Variants in KY observed in about 807,000 individuals in gnomAD.
KY encodes the protein kyphoscoliosis peptidase.
A neutral mutation model predicts 76.1 loss-of-function variants in KY; 43 were observed. The ratio of observed to expected loss-of-function variants is 0.57; its 90% CI spans 0.44 to 0.73. KY has a LOEUF of 0.73. Among genes scored for constraint, KY ranks in the 30% least tolerant of loss-of-function variants. The probability of loss-of-function intolerance (pLI) is 0.00; values close to 1 mark genes in which losing one functional copy is unlikely to be tolerated. For missense variants in KY, 722 were observed against 828.9 expected (o/e 0.87, Z 1.58); for synonymous variants, 277 against 326.2 (o/e 0.85, Z 1.63).
In KY at chr3:134,650,925, G is replaced by C; in HGVS notation, c.36C>G (p.Ile12Met). 1 of 1,613,346 alleles carries C rather than the reference G, an allele frequency of 6.2e-7. No homozygotes were observed. The highest frequency in any genetic ancestry group is 8.5e-7 in the Non-Finnish European group (1 of 1,179,518). ...CCGAGTGCACGATCAGCAGCATGTC[G>C]ATAGATACAGCGTTGATGTCCTTCT... ...ELKKDINAVS[I>M]DMLLIVHSEK... Residue 12 changes from isoleucine (I) to methionine (M), a missense_variant, in exon 1 of 11, where the codon ATC becomes ATG. By Grantham distance (10) the Ile-to-Met change is conservative (BLOSUM62 1). This residue lies in a region of KY where 170 missense variants were observed against 148.1 expected (regional missense o/e 1.15). Transcript: ENST00000423778.
At chr3:134,607,036 T>A (rs1959301517) in intron 10 of KY, 5 of 985,136 alleles carry the variant, frequency 5.1e-6, no homozygotes, top group Non-Finnish European at 6.0e-6. Context: ...TTTAGATTTC[T>A]ATAAATTAAG....
At chr3:134,610,109 T>C (rs2107770473) in intron 9 of KY, 86 bp downstream of exon 9, 1 of 1,437,328 alleles carries the variant, frequency 7.0e-7, no homozygotes, top group Non-Finnish European at 9.6e-7. Context: ...TCCCGCTTGG[T>C]CTTCTCCACC....
chr3:134,643,089 G>A (rs946771145), intron 3 of KY, among the ~76,000 whole-genome samples: 11 of 152,168 alleles, frequency 7.2e-5, no homozygotes, highest in African/African-American at 2.7e-4. Flanking sequence ...TGAGGCCCAT[G>A]GGCTTTATTT....
intron 5 of KY, 126 bp from the exon 6 acceptor site, chr3:134,625,261 A>G (rs1577696340): frequency 2.6e-6 from 2 of 762,370 alleles, no homozygotes; most frequent in Non-Finnish European, 4.5e-6. Flanking sequence ...AAAGCCTGAA[A>G]CATTGAGCCT....
At chr3:134,607,501 G>T in intron 10 of KY, 2 of 985,714 alleles carry the variant, frequency 2.0e-6, no homozygotes, top group Non-Finnish European at 2.4e-6. Flanking sequence ...GGCAGAGACG[G>T]TGCCACCAGG....
intron 1 of KY, 132 bp downstream of exon 1, chr3:134,650,693 A>C (rs867704034): frequency 1.2e-6 from 1 of 811,690 alleles, no homozygotes; most frequent in Middle Eastern, 3.8e-4. Flanking sequence ...AAGCGACGGC[A>C]GCCATGGGGG....
chr3:134,604,490 C>G lies in KY; in HGVS notation c.1091-16G>C. ...TTCCCATTCACTGAGGAGAGAAAGTCAGGGTCAGCAGAGATGGGTCCAGCA... is the reference window on the plus strand; with the variant it reads ...TTCCCATTCACTGAGGAGAGAAAGTGAGGGTCAGCAGAGATGGGTCCAGCA... On this transcript the variant is annotated splice_polypyrimidine_tract_variant and intron_variant, in intron 10 of 10. Coordinates refer to ENST00000423778, the MANE Select transcript of KY (RefSeq NM_178554.6). 6.3e-7 allele frequency: 1 copy of G among 1,589,396 alleles called. No individual in the cohort carries two copies. Among genetic ancestry groups the G allele is most frequent in the Non-Finnish European group, 8.6e-7 (1 of 1,165,908 alleles).
intron 1 of KY, among the ~76,000 whole-genome samples, chr3:134,648,235 T>A (rs1335729594): frequency 6.6e-6 from 1 of 152,186 alleles, no homozygotes; most frequent in Non-Finnish European, 1.5e-5. Context: ...CTAGACCAGC[T>A]CGTTGGTGCT....
intron 4 of KY, 182 bp from the exon 5 acceptor site, chr3:134,628,000 G>T: frequency 1.6e-6 from 1 of 613,990 alleles, no homozygotes. Context: ...GAACTTCCTG[G>T]TGTGGCAGAA....
intron 4 of KY, chr3:134,628,169 A>T: frequency 3.5e-6 from 1 of 283,462 alleles, no homozygotes; most frequent in Non-Finnish European, 6.8e-6. Flanking sequence ...TCTTGAATCC[A>T]CTGCCAGATA....
In KY at chr3:134,603,969, C is replaced by T. The variant is rs34502271; in HGVS notation, c.1596G>A (p.Lys532=). The T allele has an allele frequency of 3.8e-4, 621 of 1,613,958 alleles. 1 individual carries two copies. The African/African-American group carries it at 7.7e-3, about 20-fold the overall frequency. The part of the protein sequence containing the change: ...ELKVQLPHAG[K]FALKIFVKKR... ...TCTTGACAAAGATCTTGAGGGCAAA[C>T]TTGCCTGCATGGGGCAGCTGGACTT... Residue 532 remains lysine (K), a synonymous_variant, in exon 11 of 11, where the codon AAG becomes AAA. Coordinates refer to ENST00000423778, the MANE Select transcript of KY (RefSeq NM_178554.6).
intron 8 of KY, chr3:134,615,406 T>C (rs1961355390): frequency 7.2e-6 from 1 of 138,502 alleles, no homozygotes; most frequent in South Asian, 2.4e-4. Flanking sequence ...AATGGAAAAA[T>C]CATTTGACCT....
chr3:134,604,618 A>G, intron 10 of KY, 144 bp from the exon 11 acceptor site: 1 of 697,754 alleles, frequency 1.4e-6, no homozygotes, highest in Non-Finnish European at 2.3e-6. Flanking sequence ...CTTTCACCAC[A>G]GTCCATTTCA....
In KY at chr3:134,604,435, G is replaced by A. The variant is rs200102234; in HGVS notation, c.1130C>T (p.Pro377Leu). 1.1e-5 allele frequency: 17 copies of A among 1,613,114 alleles called. No homozygotes were observed. Among genetic ancestry groups the A allele is most frequent in the East Asian group, 2.2e-5 (1 of 44,868 alleles). The stretch of plus-strand genomic sequence containing the variant: ...ATTGAGCATGAACATGAACAGCGTC[G>A]GGGCGCAGCTCTCAATGGTGACCGT... ...KATVTIESCA[P>L]TLFMFMLNGK... Residue 377 changes from proline (P) to leucine (L), a missense_variant, in exon 11 of 11, where the codon CCG (proline) becomes CTG (leucine). Coordinates refer to ENST00000423778, the MANE Select transcript of KY (RefSeq NM_178554.6).
chr3:134,604,450 A>C lies in KY; in HGVS notation c.1115T>G (p.Ile372Ser), dbSNP rs752765230. The C allele has an allele frequency of 1.1e-5, 18 of 1,609,644 alleles. No individual in the cohort carries two copies. The highest frequency in any genetic ancestry group is 1.4e-5 in the Non-Finnish European group (17 of 1,177,016). ...RTVNGKATVT[I>S]ESCAPTLFMF... ...GAACAGCGTCGGGGCGCAGCTCTCA[A>C]TGGTGACCGTGGCCTTCCCATTCAC... The change falls in exon 11 of 11, where the codon ATT becomes AGT. Residue 372 changes from isoleucine (I) to serine (S), a missense_variant. By Grantham distance (142) the Ile-to-Ser change is moderately radical. Around this residue, in one of 2 missense-constraint regions of KY, gnomAD observed 552 missense variants for 680.9 expected, o/e 0.81. Transcript: ENST00000423778.
chr3:134,615,349 C>CTTTTTTTT (rs35886668), intron 8 of KY: 1 of 96,156 alleles, frequency 1.0e-5, no homozygotes. Flanking sequence ...GTTCAAGAAG[C>CTTTTTTTT]TTTTTTTTTT....
At chr3:134,614,223 A>G (rs1961068784) in intron 8 of KY, among the ~76,000 whole-genome samples, 2 of 152,128 alleles carry the variant, frequency 1.3e-5, no homozygotes, top group Non-Finnish European at 2.9e-5. Context: ...GAGGACTAGA[A>G]ACATTTCCAC....
chr3:134,604,109 C>A lies in KY; in HGVS notation c.1456G>T (p.Val486Leu). ...SDGRCSISFS[V>L]EEGINVLASL... is the part of the protein sequence containing the mutation. The stretch of plus-strand genomic sequence containing the variant: ...GCCAGGACATTAATGCCCTCCTCCA[C>A]GCTGAAGCTGATGGAGCAGCGCCCG... The change falls in exon 11 of 11, where the codon GTG becomes TTG. Residue 486 changes from valine (V) to leucine (L), a missense_variant. Val to Leu is a conservative substitution (Grantham distance 32). Coordinates refer to ENST00000423778, the MANE Select transcript of KY (RefSeq NM_178554.6). The A allele has an allele frequency of 6.2e-7, 1 of 1,611,508 alleles. No homozygotes were observed. Among genetic ancestry groups the A allele is most frequent in the Non-Finnish European group, 8.5e-7 (1 of 1,178,638 alleles).
At chr3:134,613,325 T>C (rs1186553859) in intron 8 of KY, 4 of 152,644 alleles carry the variant, frequency 2.6e-5, no homozygotes, top group Non-Finnish European at 4.4e-5. Flanking sequence ...CAGGGGGACA[T>C]CCTGCCCTCA....
Sources: allele counts gnomAD v4.1 joint callset (sites outside exome capture counted in the v4.1 genomes callset), GRCh38; gene constraint gnomAD v4.1.1; regional missense constraint gnomAD v4.1.1; transcripts MANE v1.5; gene names NCBI Gene and HGNC (gene_info 2026-07-23, HGNC 2026-07-21).